PDXK: variants seen among roughly 807,000 people sequenced by gnomAD.
PDXK encodes the protein epididymis secretory sperm binding protein Li 1a.
PDXK carries 15 observed loss-of-function variants against 43.2 expected under a neutral mutation model. The observed-to-expected ratio is 0.35, with a 90% CI of 0.23 to 0.53. PDXK has a LOEUF of 0.53. PDXK is among the 20% of genes least tolerant of loss of function. The pLI is 0.92. For synonymous variants in PDXK, 172 were observed against 165.4 expected (o/e 1.04, Z -0.31); for missense variants, 343 against 417.0 (o/e 0.82, Z 1.54).
Position 43,743,908 on chromosome 21 carries a change from C to T in PDXK, c.331+101C>T, listed in dbSNP as rs1392466849. 12 of 758,024 alleles carry T rather than the reference C, an allele frequency of 1.6e-5. No homozygotes were observed. In the Admixed American group the frequency reaches 2.5e-4, roughly 16 times the overall value. The allele number at this position is 758,024 out of a possible 1,614,324, so 47.0% of individuals were successfully genotyped here. ...ACGTCTTAGCCTCCTTCCTCCTCTG[C>T]ACGCCTCCGTGCCCCGCCTCTCCGG... On this transcript the variant is annotated intron_variant, in intron 4 of 10. Coordinates refer to ENST00000291565, the MANE Select transcript of PDXK (RefSeq NM_003681.5).
rs548693410 is a variant in PDXK, at chr21:43,739,189, T to C, written c.143-2478T>C. 2.0e-5 allele frequency among the ~76,000 whole-genome samples: 3 copies of C among 152,194 alleles called. No homozygotes were observed. The East Asian group carries it at 5.8e-4, about 29-fold the overall frequency. ...GACCTCACACACCACGCCCAGCTAA[T>C]TTTTGTATTTTTTAGTAGAGATGAG... is the stretch of plus-strand genomic sequence containing the variant. On this transcript the variant is annotated intron_variant, in intron 2 of 10. Transcript: ENST00000291565.
In PDXK at chr21:43,758,287, G is replaced by C. The variant is rs1037810738; in HGVS notation, c.*2224G>C. 1 of 153,732 alleles carries C rather than the reference G, an allele frequency of 6.5e-6. No homozygotes were observed. Among genetic ancestry groups the C allele is most frequent in the African/African-American group, 2.4e-5 (1 of 41,456 alleles). The allele number at this position is 153,732 out of a possible 1,614,324, so 9.5% of individuals were successfully genotyped here. ...CCTGCAGGCGCCTCCCGTAAATCCT[G>C]AGCTCTCTGGCGCAATCTGAAACTT... On this transcript the variant is annotated 3_prime_UTR_variant, in exon 11 of 11. Coordinates refer to ENST00000291565, the MANE Select transcript of PDXK (RefSeq NM_003681.5).
chr21:43,741,710 C>T lies in PDXK; in HGVS notation c.186C>T (p.Leu62=). Residue 62 remains leucine, a synonymous_variant, in exon 3 of 11, where the codon CTC becomes CTT. Transcript: ENST00000291565. ...GCCAAGTGCTGAATTCAGATGAGCT[C>T]CAGGAGTTGTACGAAGGCCTGAGGC... ...WKGQVLNSDE[L]QELYEGLRLN... 1.2e-6 allele frequency: 2 copies of T among 1,613,212 alleles called. No homozygotes were observed. Among genetic ancestry groups the T allele is most frequent in the Non-Finnish European group, 1.7e-6 (2 of 1,179,432 alleles).
At chr21:43,725,999 C>G (rs1369330884) in intron 1 of PDXK, among the ~76,000 whole-genome samples, 1 of 149,268 alleles carries the variant, frequency 6.7e-6, no homozygotes, top group Non-Finnish European at 1.5e-5. Context: ...GCTTTCCTCC[C>G]GTCTAGCTGG....
At chr21:43,740,395 A>G (rs1308139250) in intron 2 of PDXK, among the ~76,000 whole-genome samples, 5 of 152,052 alleles carry the variant, frequency 3.3e-5, no homozygotes, top group Admixed American at 2.6e-4. Flanking sequence ...TGATACTTGT[A>G]CTTTGCTATT....
At chr21:43,755,830 C>A in intron 10 of PDXK, 66 bp downstream of exon 10, 1 of 1,491,036 alleles carries the variant, frequency 6.7e-7, no homozygotes. Context: ...GAGAGAAGAG[C>A]TGGCACGTGC....
intron 1 of PDXK, among the ~76,000 whole-genome samples, chr21:43,730,976 C>T (rs1303704008): frequency 6.6e-6 from 1 of 152,052 alleles, no homozygotes; most frequent in Non-Finnish European, 1.5e-5. Context: ...ATATAATTTA[C>T]ATAATTGTAA....
At chr21:43,740,490 C>T (rs554085074) in intron 2 of PDXK, among the ~76,000 whole-genome samples, 3 of 152,084 alleles carry the variant, frequency 2.0e-5, no homozygotes, top group African/African-American at 7.2e-5. Flanking sequence ...GGCCGGGAGC[C>T]CCTCGATGTG....
At chr21:43,752,419 C>T (rs2083769700) in intron 7 of PDXK, 99 bp from the exon 8 acceptor site, 13 of 786,678 alleles carry the variant, frequency 1.7e-5, no homozygotes, top group Middle Eastern at 2.7e-4. Context: ...GGCTGATGCT[C>T]CCCGTGCCAC....
chr21:43,742,631 C>T (rs551092821), intron 3 of PDXK, among the ~76,000 whole-genome samples: 4 of 152,256 alleles, frequency 2.6e-5, no homozygotes, highest in African/African-American at 7.2e-5. Context: ...AATCCCAGCA[C>T]TTTGGGAAGA....
At chr21:43,736,963 C>G in intron 2 of PDXK, 1 of 702,470 alleles carries the variant, frequency 1.4e-6, no homozygotes, top group South Asian at 1.5e-5. Context: ...GAGACAAGGT[C>G]GGTCTCTGTC....
rs900047084 is a variant in PDXK, at chr21:43,737,543, C to T, written c.142+3420C>T. ...CAGCGGGTGGACGGGTTGCGCTGTC[C>T]TGGCTTTCGGAGTGTAGAGCCAGAG... On this transcript the variant is annotated intron_variant, in intron 2 of 10. Coordinates refer to ENST00000291565, the MANE Select transcript of PDXK (RefSeq NM_003681.5). This position sits in a 1 kb window ranked among gnomAD's most constrained non-coding sequence, Gnocchi z 4.8. 3 of 1,015,334 alleles carry T rather than the reference C, an allele frequency of 3.0e-6. No individual in the cohort carries two copies. The South Asian group carries it at 1.1e-4, about 39-fold the overall frequency. 62.9% of individuals were successfully genotyped at this position (1,015,334 alleles called of 1,614,324 possible).
intron 2 of PDXK, among the ~76,000 whole-genome samples, chr21:43,736,700 A>C (rs772985323): frequency 2.1e-5 from 3 of 141,848 alleles, no homozygotes; most frequent in East Asian, 4.1e-4. Context: ...TCCTGCGGTC[A>C]TGACTCACTG....
chr21:43,737,273 C>T lies in PDXK; in HGVS notation c.142+3150C>T, dbSNP rs931098674. The T allele has an allele frequency of 7.1e-7, 1 of 1,417,082 alleles. No homozygotes were observed. The allele number at this position is 1,417,082 out of a possible 1,614,324, so 87.8% of individuals were successfully genotyped here. On this transcript the variant is annotated intron_variant, in intron 2 of 10. Transcript: ENST00000291565. This position sits in a 1 kb window ranked among gnomAD's most constrained non-coding sequence, Gnocchi z 4.8. ...ATCCCCCAAGTGCCTGCAGAGCCCA[C>T]CTGGCGCAGGCCTCGCCGCCTCGAG...
chr21:43,752,844 G>A (rs907019870), intron 8 of PDXK, among the ~76,000 whole-genome samples: 2 of 152,288 alleles, frequency 1.3e-5, no homozygotes, highest in Admixed American at 6.5e-5. Context: ...TGGCTTCCAC[G>A]GACCCAGCAT....
chr21:43,744,326 TGG>T, intron 4 of PDXK: 1 of 163,416 alleles, frequency 6.1e-6, no homozygotes, highest in Admixed American at 5.9e-5. Flanking sequence ...CAGGCAGTGC[TGG>T]ATCCATCTTG....
chr21:43,743,248 C>T (rs57689385), intron 3 of PDXK, among the ~76,000 whole-genome samples: 3 of 99,660 alleles, frequency 3.0e-5, no homozygotes, highest in Admixed American at 9.5e-5. Flanking sequence ...CTCGCCTGCA[C>T]CCACCTCCCT....
In PDXK at chr21:43,754,161, G is replaced by A. The variant is rs554575569; in HGVS notation, c.759+442G>A. On this transcript the variant is annotated intron_variant, in intron 9 of 10. Coordinates refer to ENST00000291565, the MANE Select transcript of PDXK (RefSeq NM_003681.5). The surrounding 1 kb of genome is among the most constrained non-coding windows in gnomAD (Gnocchi z 5.5). Reference sequence around the variant, plus strand: ...CCTGAGGGACGGAAAGGCCGGAGCCGCCCTTCGGGGACAGTAGGTGGGAGG... The same window carrying A: ...CCTGAGGGACGGAAAGGCCGGAGCCACCCTTCGGGGACAGTAGGTGGGAGG... Among the ~76,000 whole-genome samples the A allele has an allele frequency of 4.0e-4, 61 of 152,344 alleles. No individual in the cohort carries two copies. Among genetic ancestry groups the A allele is most frequent in the African/African-American group, 1.3e-3 (54 of 41,588 alleles).
At chr21:43,733,638 T>G in intron 1 of PDXK, 1 of 1,048,314 alleles carries the variant, frequency 9.5e-7, no homozygotes, top group Non-Finnish European at 1.2e-6. Flanking sequence ...TTCCAAGGGG[T>G]GGGGTAGACG....
Sources: gnomAD v4.1 joint callset for allele counts (sites outside exome capture counted in the v4.1 genomes callset) on GRCh38, gnomAD v4.1.1 for gene constraint, Gnocchi (gnomAD v3.1) non-coding constraint, MANE v1.5 for transcripts, NCBI Gene and HGNC (gene_info 2026-07-23, HGNC 2026-07-21) for gene names.